The following ARHGAP44 variants were observed in gnomAD, a reference collection of about 807,000 sequenced individuals.
ARHGAP44 encodes the protein rho GTPase-activating protein 44.
A neutral mutation model predicts 106.8 loss-of-function variants in ARHGAP44; 43 were observed. The ratio of observed to expected loss-of-function variants is 0.40; its 90% confidence interval spans 0.32 to 0.52. ARHGAP44 has a LOEUF of 0.52. Among genes scored for constraint, ARHGAP44 ranks in the 20% least tolerant of loss-of-function variants. ARHGAP44 has a pLI of 0.48. For synonymous variants in ARHGAP44, 439 were observed against 410.3 expected (o/e 1.07, Z -0.85); for missense variants, 866 against 1,050.5 (o/e 0.82, Z 2.43).
chr17:12,882,262 A>G (rs1318980917), intron 1 of ARHGAP44, among the ~76,000 whole-genome samples: 3 of 152,138 alleles, frequency 2.0e-5, no homozygotes, highest in African/African-American at 7.2e-5. Context: ...GAATTTTTAA[A>G]TTAGACTTTT....
chr17:12,955,446 A>C (rs1192232685), intron 13 of ARHGAP44, among the ~76,000 whole-genome samples: 1 of 152,146 alleles, frequency 6.6e-6, no homozygotes, highest in South Asian at 2.1e-4. Flanking sequence ...AGAGCACCCA[A>C]CTGAGGGTAA....
chr17:12,948,723 T>G (rs7502107), intron 10 of ARHGAP44, among the ~76,000 whole-genome samples: 1 of 29,310 alleles, frequency 3.4e-5, no homozygotes, highest in Admixed American at 4.1e-4. Context: ...CCAACACACA[T>G]ACACACACAC....
intron 1 of ARHGAP44, among the ~76,000 whole-genome samples, chr17:12,808,194 C>T (rs2034334105): frequency 6.6e-6 from 1 of 152,240 alleles, no homozygotes; most frequent in Admixed American, 6.5e-5. Context: ...TGGCTGCTTT[C>T]ATGGGCTAGC....
chr17:12,986,127 T>C (rs1280409086), intron 20 of ARHGAP44: 1 of 152,168 alleles, frequency 6.6e-6, no homozygotes, highest in African/African-American at 2.4e-5. Context: ...GGAAGAGCCA[T>C]CTGGTGATTC....
At chr17:12,848,063 C>T (rs1386278842) in intron 1 of ARHGAP44, among the ~76,000 whole-genome samples, 1 of 152,060 alleles carries the variant, frequency 6.6e-6, no homozygotes, top group African/African-American at 2.4e-5. Context: ...TGTTTCTGTT[C>T]TATAGATATA....
intron 1 of ARHGAP44, among the ~76,000 whole-genome samples, chr17:12,802,819 C>T (rs1453087737): frequency 1.9e-4 from 24 of 127,076 alleles, no homozygotes; most frequent in African/African-American, 2.1e-4. Context: ...AGTGCAGTGG[C>T]GTGAGCTCGG....
intron 1 of ARHGAP44, among the ~76,000 whole-genome samples, chr17:12,854,303 G>A (rs1217699528): frequency 6.6e-6 from 1 of 152,158 alleles, no homozygotes; most frequent in Non-Finnish European, 1.5e-5. Flanking sequence ...AGAGTGGCCT[G>A]ATCTGTTGTG....
Position 12,958,950 on chromosome 17 carries a change from G to A in ARHGAP44, c.1523+53G>A, listed in dbSNP as rs762847273. The A allele has an allele frequency of 3.2e-6, 5 of 1,553,400 alleles. No homozygotes were observed. The African/African-American group carries it at 5.4e-5, about 17-fold the overall frequency. ...CTGGGGATTAGGGGAGGTGGTGGGG[G>A]TGGATGGGTGACGCATAAGAAAAAT... On this transcript the variant is annotated intron_variant, in intron 16 of 20. Transcript: ENST00000379672. This position sits in a 1 kb window ranked among gnomAD's most constrained non-coding sequence, Gnocchi z 4.1.
rs115766354 is a variant in ARHGAP44 at position 12,933,769 on chromosome 17, C to T, written c.582+4723C>T. ...CTTCGTACAGGAGACTGGCTGCAGTCTTAGGATTTTCACTGTAAAGTGACA... is the reference window on the plus strand; with the variant it reads ...CTTCGTACAGGAGACTGGCTGCAGTTTTAGGATTTTCACTGTAAAGTGACA... On this transcript the variant is annotated intron_variant, in intron 7 of 20. Transcript: ENST00000379672. Among the ~76,000 whole-genome samples the T allele has an allele frequency of 2.2e-3, 332 of 152,006 alleles. 3 individuals are homozygous for T. The highest frequency in any genetic ancestry group is 7.6e-3 in the African/African-American group (317 of 41,492).
intron 1 of ARHGAP44, among the ~76,000 whole-genome samples, chr17:12,804,467 G>A (rs2034212864): frequency 6.6e-6 from 1 of 152,140 alleles, no homozygotes; most frequent in South Asian, 2.1e-4. Flanking sequence ...ATGGGTACCT[G>A]GGCAAATCAG....
At chr17:12,943,840 G>A (rs1288371964) in intron 9 of ARHGAP44, among the ~76,000 whole-genome samples, 171 bp downstream of exon 9, 1 of 152,132 alleles carries the variant, frequency 6.6e-6, no homozygotes, top group African/African-American at 2.4e-5. Flanking sequence ...GGGGTGCGTA[G>A]GGGTGCCCAT....
chr17:12,928,014 G>C (rs545324184), intron 6 of ARHGAP44, among the ~76,000 whole-genome samples: 3 of 152,006 alleles, frequency 2.0e-5, no homozygotes, highest in African/African-American at 7.3e-5. Context: ...ACCTAATTCA[G>C]CTACTACTAT....
chr17:12,797,525 T>C (rs2150756952), intron 1 of ARHGAP44, among the ~76,000 whole-genome samples: 1 of 152,316 alleles, frequency 6.6e-6, no homozygotes, highest in African/African-American at 2.4e-5. Flanking sequence ...AGATAAGCAG[T>C]GGTGGGTTAA....
At chr17:12,973,954 C>T in intron 17 of ARHGAP44, 135 bp from the exon 18 acceptor site, 3 of 951,378 alleles carry the variant, frequency 3.2e-6, no homozygotes, top group Non-Finnish European at 4.8e-6. Context: ...CCCAATGCAT[C>T]GCTTCCCGGG....
Position 12,974,055 on chromosome 17 carries a change from C to CG in ARHGAP44, c.1542-33dup, listed in dbSNP as rs781403735. ...AGCCTGTCTCCTGTCATCTGTTACG[C>CG]GTGGGTAAGCGGTGTCTTTGTGTCC... On this transcript the variant is annotated intron_variant, in intron 17 of 20. Transcript: ENST00000379672. 1.9e-6 allele frequency: 3 copies of CG among 1,542,634 alleles called. No homozygotes were observed. In the African/African-American group the frequency reaches 4.1e-5, roughly 21 times the overall value.
intron 3 of ARHGAP44, among the ~76,000 whole-genome samples, chr17:12,896,834 C>G (rs1212201123): frequency 6.6e-6 from 1 of 152,168 alleles, no homozygotes; most frequent in Non-Finnish European, 1.5e-5. Context: ...TATCCTTGAT[C>G]GATATCTGAC....
chr17:12,841,589 C>CTCTCTG (rs1243038234), intron 1 of ARHGAP44, among the ~76,000 whole-genome samples: 10 of 132,768 alleles, frequency 7.5e-5, no homozygotes, highest in South Asian at 7.5e-4. Flanking sequence ...CTCTCTGTCT[C>CTCTCTG]TCTCTCACAC....
chr17:12,938,582 T>TTTAA (rs376200698), intron 7 of ARHGAP44, among the ~76,000 whole-genome samples: 7 of 127,010 alleles, frequency 5.5e-5, no homozygotes, highest in East Asian at 2.4e-4. Flanking sequence ...AGCTATATAT[T>TTTAA]AAAAAAAAAA....
intron 1 of ARHGAP44, among the ~76,000 whole-genome samples, chr17:12,798,222 T>G (rs1465727424): frequency 1.3e-5 from 2 of 152,198 alleles, no homozygotes; most frequent in African/African-American, 4.8e-5. Flanking sequence ...GTCTAGGACT[T>G]ATAGAACAAT....
Sources: gnomAD v4.1 joint callset for allele counts (sites outside exome capture counted in the v4.1 genomes callset) on GRCh38, gnomAD v4.1.1 for gene constraint, Gnocchi (gnomAD v3.1) non-coding constraint, MANE v1.5 for transcripts, NCBI Gene and HGNC (gene_info 2026-07-23, HGNC 2026-07-21) for gene names.